Variants in ADARB1 observed in about 807,000 individuals in gnomAD.
The protein encoded by ADARB1 is double-stranded RNA-specific editase 1.
A neutral mutation model predicts 52.4 loss-of-function variants in ADARB1; 10 were observed. That is an observed-to-expected ratio of 0.19 (90% CI 0.12 to 0.32). ADARB1 has a LOEUF of 0.32. Ranked by LOEUF, ADARB1 falls within the 10% of genes least tolerant of loss-of-function variation. The pLI is 1.00. For missense variants in ADARB1, 643 were observed against 922.3 expected (o/e 0.70, Z 3.92); for synonymous variants, 349 against 371.1 (o/e 0.94, Z 0.68).
At position 45,225,090 on chromosome 21, in the gene ADARB1, TTTGTTAACTA is replaced by T; in HGVS notation, c.*2894_*2903del. 2.0e-6 allele frequency: 2 copies of T among 989,864 alleles called. No individual in the cohort carries two copies. The highest frequency in any genetic ancestry group is 2.4e-6 in the Non-Finnish European group (2 of 833,312). 61.3% of individuals were successfully genotyped at this position (989,864 alleles called of 1,614,324 possible). On this transcript the variant is annotated 3_prime_UTR_variant, in exon 11 of 11. Transcript: ENST00000348831. ...CTTCTGTTGTTTTGTTTTGTTTTGTTTTGTTAACTAAACCTGAAGTATTAATTCCACAAAG... is the reference window on the plus strand; with the variant it reads ...CTTCTGTTGTTTTGTTTTGTTTTGTTAACCTGAAGTATTAATTCCACAAAG...
chr21:45,214,456 C>T (rs571800950), intron 9 of ADARB1, among the ~76,000 whole-genome samples: 1 of 152,224 alleles, frequency 6.6e-6, no homozygotes, highest in Non-Finnish European at 1.5e-5. Context: ...AAATATTTGC[C>T]TAAGTCAGTA....
chr21:45,188,380 T>A (rs1018419288), intron 8 of ADARB1, among the ~76,000 whole-genome samples: 1 of 152,250 alleles, frequency 6.6e-6, no homozygotes, highest in Non-Finnish European at 1.5e-5. Context: ...GTGCTGGGAT[T>A]ACAGGCATGA....
At chr21:45,120,640 C>T (rs1277960088) in intron 1 of ADARB1, among the ~76,000 whole-genome samples, 2 of 152,204 alleles carry the variant, frequency 1.3e-5, no homozygotes, top group Non-Finnish European at 2.9e-5. Flanking sequence ...CACCGCATTG[C>T]TCTGGGGGCA....
intron 2 of ADARB1, among the ~76,000 whole-genome samples, chr21:45,164,515 C>A (rs1663512152): frequency 1.8e-5 from 2 of 108,178 alleles, no homozygotes; most frequent in Non-Finnish European, 3.8e-5. Context: ...GTGGATTGCA[C>A]TGTGCGTGGA....
Position 45,225,713 on chromosome 21 carries a change from C to A in ADARB1, c.*3516C>A. 2 of 588,124 alleles carry A rather than the reference C, an allele frequency of 3.4e-6. No individual in the cohort carries two copies. Among genetic ancestry groups the A allele is most frequent in the South Asian group, 1.6e-4 (2 of 12,582 alleles). The allele number at this position is 588,124 out of a possible 1,614,324, so 36.4% of individuals were successfully genotyped here. A position where few individuals can be genotyped will look rare whatever the true frequency, so the allele number is the denominator to read the frequency against. On this transcript the variant is annotated 3_prime_UTR_variant, in exon 11 of 11. Coordinates refer to ENST00000348831, the MANE Select transcript of ADARB1 (RefSeq NM_001112.4). ...ACACTTTACCCCAGAAGCAGGTGGT[C>A]TGCCCCAGGCATAAAGAAGGAAAAT...
intron 3 of ADARB1, among the ~76,000 whole-genome samples, chr21:45,173,834 A>G (rs902320534): frequency 2.0e-5 from 3 of 151,812 alleles, no homozygotes; most frequent in Non-Finnish European, 2.9e-5. Flanking sequence ...AGCTTTGTCA[A>G]CTGGGAGAAG....
At position 45,185,637 on chromosome 21, in the gene ADARB1, G is replaced by A. The variant is rs145517797; in HGVS notation, c.1565+546G>A. Among the ~76,000 whole-genome samples, 469 of 152,246 alleles carry A rather than the reference G, an allele frequency of 3.1e-3. 1 individual carries two copies. The highest frequency in any genetic ancestry group is 0.01 in the African/African-American group (436 of 41,534). Reference sequence around the variant, plus strand: ...ACTTCTGTAGTCAGCAGGCACCTGGGAGATATTCATCTTTCAGAGGCCTGT... The same window carrying A: ...ACTTCTGTAGTCAGCAGGCACCTGGAAGATATTCATCTTTCAGAGGCCTGT... On this transcript the variant is annotated intron_variant, in intron 8 of 10. Transcript: ENST00000348831.
rs768376459 is a variant in ADARB1, at chr21:45,120,099, G to A, written c.-219-8303G>A. On this transcript the variant is annotated intron_variant, in intron 1 of 10. Transcript: ENST00000348831. ...TATAAATCTTAAATTTTAGTGCCCC[G>A]TAATAATTCACTTCGTAGGTTACCA... is the stretch of plus-strand genomic sequence containing the variant. Among the ~76,000 whole-genome samples, 12 of 152,144 alleles carry A rather than the reference G, an allele frequency of 7.9e-5. No homozygotes were observed. In the South Asian group the frequency reaches 1.2e-3, roughly 16 times the overall value.
At position 45,223,496 on chromosome 21, in the gene ADARB1, C is replaced by T. The variant is rs1038164772; in HGVS notation, c.*1299C>T. 25 of 985,526 alleles carry T rather than the reference C, an allele frequency of 2.5e-5. No individual in the cohort carries two copies. Among genetic ancestry groups the T allele is most frequent in the Middle Eastern group, 1.0e-3 (2 of 1,938 alleles). 61.0% of individuals were successfully genotyped at this position (985,526 alleles called of 1,614,324 possible). A position where few individuals can be genotyped will look rare whatever the true frequency, so the allele number is the denominator to read the frequency against. ...TTTGCACCAGGTGCCTTGTTGCCTC[C>T]GCTCAGGATGAAAGAGGAGCTGAGA... On this transcript the variant is annotated 3_prime_UTR_variant, in exon 11 of 11. Coordinates refer to ENST00000348831, the MANE Select transcript of ADARB1 (RefSeq NM_001112.4).
intron 1 of ADARB1, among the ~76,000 whole-genome samples, chr21:45,089,327 T>C (rs1368634206): frequency 6.6e-6 from 1 of 152,142 alleles, no homozygotes; most frequent in African/African-American, 2.4e-5. Flanking sequence ...ACATAAAAAG[T>C]TGAAAAAGAA....
rs1375083740 is a variant in ADARB1, at chr21:45,170,966, T to G, written c.-47-644T>G. On this transcript the variant is annotated intron_variant, in intron 2 of 10. Coordinates refer to ENST00000348831, the MANE Select transcript of ADARB1 (RefSeq NM_001112.4). Reference sequence around the variant, plus strand: ...AAATTAGATTGAATTTTAGCAGTCTTGTGCACTTTAGTTTTGTCTGCATAA... The same window carrying G: ...AAATTAGATTGAATTTTAGCAGTCTGGTGCACTTTAGTTTTGTCTGCATAA... 3.3e-5 allele frequency among the ~76,000 whole-genome samples: 5 copies of G among 152,200 alleles called. No individual in the cohort carries two copies. The East Asian group carries it at 9.6e-4, about 29-fold the overall frequency.
intron 1 of ADARB1, among the ~76,000 whole-genome samples, chr21:45,084,854 C>G (rs2086279040): frequency 1.3e-5 from 2 of 152,148 alleles, no homozygotes; most frequent in African/African-American, 4.8e-5. Context: ...CCAACCCACC[C>G]AGTGTTAAGT....
chr21:45,203,041 G>A (rs116401443), intron 8 of ADARB1, among the ~76,000 whole-genome samples: 146 of 152,322 alleles, frequency 9.6e-4, no homozygotes, highest in African/African-American at 3.1e-3. Context: ...CCTGCAGCGC[G>A]TGCCACACTG....
intron 2 of ADARB1, among the ~76,000 whole-genome samples, chr21:45,150,928 A>G (rs963109751): frequency 1.3e-4 from 20 of 152,238 alleles, no homozygotes. Flanking sequence ...AACATGTTCA[A>G]AGATTTTTAC....
chr21:45,203,245 G>GC (rs2092598585), intron 8 of ADARB1, among the ~76,000 whole-genome samples: 2 of 152,084 alleles, frequency 1.3e-5, no homozygotes, highest in Admixed American at 6.5e-5. Context: ...TGTGTCCCCT[G>GC]CCCCCCAGGC....
At chr21:45,194,270 C>T (rs1043293195) in intron 8 of ADARB1, among the ~76,000 whole-genome samples, 14 of 152,260 alleles carry the variant, frequency 9.2e-5, no homozygotes, top group African/African-American at 2.4e-4. Flanking sequence ...TCATTACAAT[C>T]GAAGACACAT....
intron 2 of ADARB1, among the ~76,000 whole-genome samples, chr21:45,150,771 G>A (rs1302504528): frequency 1.3e-5 from 2 of 152,186 alleles, no homozygotes; most frequent in Non-Finnish European, 1.5e-5. Context: ...TGTGACCAAG[G>A]GGTCCCTCTG....
At position 45,180,457 on chromosome 21, in the gene ADARB1, G is replaced by T. The variant is rs769952316; in HGVS notation, c.1078+13G>T. The T allele has an allele frequency of 1.3e-6, 2 of 1,595,312 alleles. No individual in the cohort carries two copies. The highest frequency in any genetic ancestry group is 3.3e-5 in the Admixed American group (2 of 59,760). ...GTCATGACAACAGGTAACCATCTTG[G>T]TGTTGTATGTAACCCTGCCTGTTTT... On this transcript the variant is annotated intron_variant, in intron 5 of 10. Transcript: ENST00000348831.
intron 1 of ADARB1, among the ~76,000 whole-genome samples, chr21:45,103,485 G>C (rs1326316870): frequency 6.6e-6 from 1 of 151,736 alleles, no homozygotes; most frequent in African/African-American, 2.4e-5. Context: ...GGGGGTAAGG[G>C]GAGACAGTGG....
Sources: allele counts gnomAD v4.1 joint callset (sites outside exome capture counted in the v4.1 genomes callset), GRCh38; gene constraint gnomAD v4.1.1; transcripts MANE v1.5; gene names NCBI Gene and HGNC (gene_info 2026-07-23, HGNC 2026-07-21).